PEMT: variants seen among roughly 807,000 people sequenced by gnomAD.
PEMT encodes the protein phosphatidylethanolamine N-methyltransferase.
In PEMT, 23 loss-of-function variants were observed where a neutral mutation model predicts 27.4. The ratio of observed to expected loss-of-function variants is 0.84; its 90% CI spans 0.60 to 1.19. PEMT has a LOEUF of 1.19. PEMT is among the 50% of genes most tolerant of loss of function. PEMT has a pLI of 0.00. For synonymous variants in PEMT, 137 were observed against 139.1 expected, an observed-to-expected ratio of 0.98 and a Z score of 0.11; for missense variants, 307 against 310.1, an observed-to-expected ratio of 0.99 and a Z score of 0.07.
intron 2 of PEMT, among the ~76,000 whole-genome samples, chr17:17,522,671 C>G (rs769220199): frequency 3.9e-5 from 6 of 152,158 alleles, no homozygotes; most frequent in Non-Finnish European, 8.8e-5. Flanking sequence ...ATGAACCCAC[C>G]AAGAGGCAGA....
At chr17:17,577,119 C>T (rs573779128) in intron 1 of PEMT, 92 bp from the exon 2 acceptor site, 7 of 899,076 alleles carry the variant, frequency 7.8e-6, no homozygotes, top group Admixed American at 5.8e-5. Flanking sequence ...TCTGGGAACA[C>T]ACTGGGAGGC....
chr17:17,578,575 C>T (rs1486619066), intron 1 of PEMT: 2 of 152,028 alleles, frequency 1.3e-5, no homozygotes, highest in African/African-American at 4.8e-5. Flanking sequence ...TGGTGTCTCT[C>T]CACATGCAAC....
Position 17,591,655 on chromosome 17 carries a change from G to A in PEMT, c.-29C>T, listed in dbSNP as rs1426555189. On this transcript the variant is annotated 5_prime_UTR_variant, in exon 1 of 7. Coordinates refer to ENST00000255389, the MANE Select transcript of PEMT (RefSeq NM_148172.3). ...GGGGCCGCCTCAGGAGGCACCACGC[G>A]GGCCCCGCTGCAGCCACGCGCCCCC... 1 of 1,597,546 alleles carries A rather than the reference G, an allele frequency of 6.3e-7. No homozygotes were observed. The highest frequency in any genetic ancestry group is 8.5e-7 in the Non-Finnish European group (1 of 1,172,678).
intron 2 of PEMT, among the ~76,000 whole-genome samples, chr17:17,551,368 C>T (rs1909640714): frequency 6.6e-6 from 1 of 152,214 alleles, no homozygotes; most frequent in African/African-American, 2.4e-5. Flanking sequence ...TAACTGCAGA[C>T]TAAACCTGTC....
intron 2 of PEMT, among the ~76,000 whole-genome samples, chr17:17,541,513 T>C (rs949744576): frequency 6.6e-6 from 1 of 152,184 alleles, no homozygotes; most frequent in East Asian, 1.9e-4. Context: ...GGCTCGGACA[T>C]GGCGGGCCTC....
At chr17:17,528,357 G>C (rs4646398) in intron 2 of PEMT, among the ~76,000 whole-genome samples, 14,393 of 152,262 alleles carry the variant, frequency 0.095, 893 homozygotes, top group East Asian at 0.29. Flanking sequence ...ATGTGGCTGT[G>C]GCCTAACAGT....
At chr17:17,547,663 C>G (rs1034697979) in intron 2 of PEMT, among the ~76,000 whole-genome samples, 2 of 151,964 alleles carry the variant, frequency 1.3e-5, no homozygotes, top group African/African-American at 4.8e-5. Context: ...CTTCCTCCTC[C>G]TCCTCCTCCT....
chr17:17,536,801 T>C (rs954433934), intron 2 of PEMT, among the ~76,000 whole-genome samples: 3 of 152,204 alleles, frequency 2.0e-5, no homozygotes, highest in Admixed American at 6.5e-5. Context: ...CCGTGGGACC[T>C]GGTATGGCCG....
intron 2 of PEMT, among the ~76,000 whole-genome samples, chr17:17,556,536 G>A (rs932522052): frequency 6.6e-6 from 1 of 152,128 alleles, no homozygotes; most frequent in Non-Finnish European, 1.5e-5. Flanking sequence ...ACCACACCTG[G>A]CTGTTTTTTG....
At chr17:17,506,375 G>T in intron 5 of PEMT, 74 bp from the exon 6 acceptor site, 1 of 1,195,050 alleles carries the variant, frequency 8.4e-7, no homozygotes, top group South Asian at 1.4e-5. Flanking sequence ...TGCCCAGGCT[G>T]GCCCTTCCTG....
chr17:17,506,161 G>GGTTC, intron 6 of PEMT, 66 bp downstream of exon 6: 1 of 1,309,166 alleles, frequency 7.6e-7, no homozygotes, highest in Non-Finnish European at 1.1e-6. Flanking sequence ...CACAAGGAAA[G>GGTTC]GTTCTAGAGG....
intron 1 of PEMT, among the ~76,000 whole-genome samples, chr17:17,580,053 C>T (rs1911885918): frequency 6.6e-6 from 1 of 152,150 alleles, no homozygotes; most frequent in South Asian, 2.1e-4. Context: ...ACAACTGGGC[C>T]AGGCTCAGAG....
intron 2 of PEMT, among the ~76,000 whole-genome samples, chr17:17,535,162 G>A (rs745314169): frequency 6.6e-6 from 1 of 151,934 alleles, no homozygotes; most frequent in Non-Finnish European, 1.5e-5. Flanking sequence ...CACTAGCCTT[G>A]GCTTCTCAAA....
intron 3 of PEMT, among the ~76,000 whole-genome samples, chr17:17,514,545 C>T (rs1906663761): frequency 6.6e-6 from 1 of 152,258 alleles, no homozygotes; most frequent in South Asian, 2.1e-4. Context: ...GGCAAACCCA[C>T]TGCCGGTCAT....
In PEMT at chr17:17,552,579, G is replaced by A. The variant is rs1020609763; in HGVS notation, c.204+24341C>T. ...CGGTGGGGAGTCCACCCCCATTCCC[G>A]GTTGGGGGGTGTGGGTGCCACGGAG... On this transcript the variant is annotated intron_variant, in intron 2 of 6. Coordinates refer to ENST00000255389, the MANE Select transcript of PEMT (RefSeq NM_148172.3). Among the ~76,000 whole-genome samples the A allele has an allele frequency of 5.3e-5, 8 of 152,348 alleles. 1 individual carries two copies. The South Asian group carries it at 1.2e-3, about 24-fold the overall frequency.
intron 2 of PEMT, among the ~76,000 whole-genome samples, chr17:17,550,071 C>T (rs1032365773): frequency 3.9e-5 from 6 of 152,088 alleles, no homozygotes; most frequent in African/African-American, 1.2e-4. Context: ...TCCCTGATAG[C>T]GGGGGGGATC....
intron 2 of PEMT, among the ~76,000 whole-genome samples, chr17:17,569,051 C>G (rs1304436530): frequency 6.6e-6 from 1 of 152,246 alleles, no homozygotes; most frequent in Non-Finnish European, 1.5e-5. Context: ...TCCCAAACAA[C>G]TCTCCAGACT....
intron 1 of PEMT, among the ~76,000 whole-genome samples, chr17:17,583,772 G>A (rs1448826809): frequency 6.6e-6 from 1 of 152,256 alleles, no homozygotes; most frequent in Non-Finnish European, 1.5e-5. Flanking sequence ...TCACTCTCTG[G>A]AGGGACCCTC....
intron 2 of PEMT, among the ~76,000 whole-genome samples, chr17:17,548,906 G>A (rs1474582680): frequency 1.3e-5 from 2 of 152,232 alleles, no homozygotes; most frequent in Non-Finnish European, 2.9e-5. Flanking sequence ...AGGGTGGCAA[G>A]TGTCCACACT....
Sources: allele counts gnomAD v4.1 joint callset (sites outside exome capture counted in the v4.1 genomes callset), GRCh38; gene constraint gnomAD v4.1.1; transcripts MANE v1.5; gene names NCBI Gene and HGNC (gene_info 2026-07-23, HGNC 2026-07-21).